IL6R: variants seen among roughly 807,000 people sequenced by gnomAD.
IL6R encodes the protein interleukin-6 receptor subunit alpha.
In IL6R, 38 loss-of-function variants were observed where a neutral mutation model predicts 48.3. The ratio of observed to expected loss-of-function variants is 0.79; its 90% CI spans 0.61 to 1.03. The LOEUF (loss-of-function observed/expected upper bound fraction) is 1.03, where lower values mean the gene tolerates loss of function less well. Ranked by LOEUF, IL6R falls within the 50% of genes least tolerant of loss-of-function variation. The pLI, the probability that IL6R is intolerant of heterozygous loss-of-function variation, is 0.00. For missense variants in IL6R, 534 were observed against 618.3 expected (o/e 0.86, Z 1.45); for synonymous variants, 264 against 256.2 (o/e 1.03, Z -0.29).
At chr1:154,450,749 T>C (rs1015229171) in intron 8 of IL6R, among the ~76,000 whole-genome samples, 3 of 152,242 alleles carry the variant, frequency 2.0e-5, no homozygotes, top group Admixed American at 6.5e-5. Flanking sequence ...ATGGGACTTA[T>C]GGAATCCAGA....
At chr1:154,430,279 AAGG>A (rs1422639728) in intron 2 of IL6R, among the ~76,000 whole-genome samples, 2 of 152,066 alleles carry the variant, frequency 1.3e-5, no homozygotes, top group African/African-American at 4.8e-5. Context: ...CTCAGACTGA[AAGG>A]AGGACTTTGG....
At chr1:154,429,498 G>T (rs1456837706) in intron 2 of IL6R, 54 bp downstream of exon 2, 1 of 1,560,294 alleles carries the variant, frequency 6.4e-7, no homozygotes, top group Admixed American at 1.7e-5. Flanking sequence ...ATGAGGCTTT[G>T]TGCATTCCAG....
chr1:154,461,435 C>T (rs7546555), intron 9 of IL6R, among the ~76,000 whole-genome samples: 101,803 of 151,568 alleles, frequency 0.67, 35,635 homozygotes, highest in East Asian at 0.82. Context: ...CTGGCGTTAC[C>T]GCTTGACCAA....
chr1:154,427,953 G>A (rs1046984400), intron 1 of IL6R, among the ~76,000 whole-genome samples: 1 of 152,224 alleles, frequency 6.6e-6, no homozygotes, highest in Non-Finnish European at 1.5e-5. Context: ...CTCAGCAGCT[G>A]CTGGTCCTCT....
At chr1:154,427,032 C>G (rs1161960309) in intron 1 of IL6R, among the ~76,000 whole-genome samples, 1 of 152,088 alleles carries the variant, frequency 6.6e-6, no homozygotes, top group Non-Finnish European at 1.5e-5. Flanking sequence ...AATTCTCCTG[C>G]CTCAGCCTCC....
At chr1:154,461,184 A>G (rs1691240262) in intron 9 of IL6R, among the ~76,000 whole-genome samples, 3 of 152,216 alleles carry the variant, frequency 2.0e-5, no homozygotes, top group Non-Finnish European at 4.4e-5. Flanking sequence ...TTCTACTGCT[A>G]TCTACTATGA....
At chr1:154,447,448 A>T (rs1224548747) in intron 6 of IL6R, among the ~76,000 whole-genome samples, 9,926 of 65,958 alleles carry the variant, frequency 0.15, 1,423 homozygotes, top group Non-Finnish European at 0.18. Flanking sequence ...CAAAAAAAAA[A>T]AAAAAAATAT....
chr1:154,452,597 C>T (rs538174422), intron 8 of IL6R, among the ~76,000 whole-genome samples: 20 of 152,040 alleles, frequency 1.3e-4, no homozygotes, highest in Admixed American at 4.6e-4. Context: ...CTTTGGGAGC[C>T]GAGGCAGGTG....
At chr1:154,445,783 T>G (rs1045639054) in intron 6 of IL6R, among the ~76,000 whole-genome samples, 1 of 149,196 alleles carries the variant, frequency 6.7e-6, no homozygotes, top group Non-Finnish European at 1.5e-5. Context: ...CTGGGTCCCA[T>G]TTCCATGGTT....
At chr1:154,441,145 T>C (rs1235962622) in intron 6 of IL6R, among the ~76,000 whole-genome samples, 1 of 152,254 alleles carries the variant, frequency 6.6e-6, no homozygotes, top group Non-Finnish European at 1.5e-5. Flanking sequence ...CTGCATCTGC[T>C]TGGGCTCCTC....
In IL6R at chr1:154,465,433, G is replaced by A. The variant is rs1415905664; in HGVS notation, c.*53G>A. On this transcript the variant is annotated 3_prime_UTR_variant, in exon 10 of 10. Transcript: ENST00000368485. ...CCCTGTGGATGATAAAACACAAACG[G>A]GCTCAGCAAAAGATGCTTCTCACTG... 1.2e-6 allele frequency: 2 copies of A among 1,602,462 alleles called. No individual in the cohort carries two copies. The highest frequency in any genetic ancestry group is 1.3e-5 in the African/African-American group (1 of 74,632).
chr1:154,414,046 C>T (rs758258907), intron 1 of IL6R, among the ~76,000 whole-genome samples: 11 of 151,836 alleles, frequency 7.2e-5, no homozygotes, highest in Non-Finnish European at 1.0e-4. Flanking sequence ...TTTGTAGAGA[C>T]GGGATTTTGC....
intron 6 of IL6R, chr1:154,437,463 G>A (rs1413824601): frequency 1.1e-5 from 5 of 438,900 alleles, no homozygotes; most frequent in Admixed American, 9.6e-5. Context: ...GCCCAGGATG[G>A]AGTACAGCAG....
At chr1:154,448,560 G>T (rs1175622034) in intron 7 of IL6R, among the ~76,000 whole-genome samples, 1 of 152,176 alleles carries the variant, frequency 6.6e-6, no homozygotes, top group Non-Finnish European at 1.5e-5. Flanking sequence ...CAAATTCCTT[G>T]AGTAATCCAA....
chr1:154,414,339 C>T, intron 1 of IL6R: 2 of 1,183,978 alleles, frequency 1.7e-6, no homozygotes, highest in Non-Finnish European at 2.4e-6. Flanking sequence ...AATGTGTGCC[C>T]TGCCCCACCC....
Position 154,465,295 on chromosome 1 carries a change from A to G in IL6R, c.1322A>G (p.Asn441Ser). Residue 441 changes from asparagine to serine, a missense_variant, in exon 10 of 10, where the codon AAT (asparagine) becomes AGT (serine). Physicochemically the swap from Asn to Ser is conservative, Grantham distance 46. Coordinates refer to ENST00000368485, the MANE Select transcript of IL6R (RefSeq NM_000565.4). ...PVSPSSLGSD[N>S]TSSHNRPDAR... ...TCCCCCAGCAGCCTGGGGTCTGACA[A>G]TACCTCGAGCCACAACCGACCAGAT... 6.2e-7 allele frequency: 1 copy of G among 1,614,118 alleles called. No individual in the cohort carries two copies. Among genetic ancestry groups the G allele is most frequent in the Non-Finnish European group, 8.5e-7 (1 of 1,180,026 alleles).
At chr1:154,421,194 C>T (rs1558304057) in intron 1 of IL6R, among the ~76,000 whole-genome samples, 1 of 152,174 alleles carries the variant, frequency 6.6e-6, no homozygotes, top group Non-Finnish European at 1.5e-5. Context: ...GGGCAGGGGA[C>T]AGTCGGTTTT....
chr1:154,414,368 A>G, intron 1 of IL6R: 1 of 1,397,592 alleles, frequency 7.2e-7, no homozygotes, highest in African/African-American at 1.4e-5. Context: ...GTGGGCTCAG[A>G]AGATCATCTC....
chr1:154,410,405 C>T (rs963038485), intron 1 of IL6R, among the ~76,000 whole-genome samples: 16 of 152,108 alleles, frequency 1.1e-4, no homozygotes, highest in African/African-American at 2.4e-4. Context: ...GCGTGCACCA[C>T]CACATCTGGC....
Sources: allele counts gnomAD v4.1 joint callset (sites outside exome capture counted in the v4.1 genomes callset), GRCh38; gene constraint gnomAD v4.1.1; transcripts MANE v1.5; gene names NCBI Gene and HGNC (gene_info 2026-07-23, HGNC 2026-07-21).